Variants in LRRN1 observed in about 807,000 individuals in gnomAD.
The protein encoded by LRRN1 is leucine rich repeat neuronal 1.
LRRN1 carries 14 observed loss-of-function variants against 45.8 expected under a neutral mutation model. The ratio of observed to expected loss-of-function variants is 0.31; its 90% CI spans 0.20 to 0.48. The LOEUF is 0.48. Among genes scored for constraint, LRRN1 ranks in the 20% least tolerant of loss-of-function variants. The pLI, the probability that LRRN1 is intolerant of heterozygous loss-of-function variation, is 0.99. For synonymous variants in LRRN1, 359 were observed against 330.1 expected, an observed-to-expected ratio of 1.09 and a Z score of -0.95; for missense variants, 789 against 874.2, an observed-to-expected ratio of 0.90 and a Z score of 1.23.
rs77195126 is a variant in LRRN1, at chr3:3,815,589, T to G, written c.-279+15670T>G. Among the ~76,000 whole-genome samples, 1,433 of 152,312 alleles carry G rather than the reference T, an allele frequency of 9.4e-3. 58 individuals carry two copies. In the East Asian group the frequency reaches 0.13, roughly 14 times the overall value. ...CTGAAGTGAAAATAAACTAACTACT[T>G]GCTCACATTTTGTGCTAAGTTGCTG... is the stretch of plus-strand genomic sequence containing the variant. On this transcript the variant is annotated intron_variant, in intron 1 of 1. Transcript: ENST00000319331.
Position 3,849,629 on chromosome 3 carries a change from T to G in LRRN1, c.*2837T>G, listed in dbSNP as rs1693855593. On this transcript the variant is annotated 3_prime_UTR_variant, in exon 2 of 2. Transcript: ENST00000319331. ...TGCTGCCTTCAGGGTATATAGTGTA[T>G]CTCTAACCTGATTTTTCAAGGTTAT... is the stretch of plus-strand genomic sequence containing the variant. 6.6e-6 allele frequency among the ~76,000 whole-genome samples: 1 copy of G among 152,188 alleles called. No individual in the cohort carries two copies. Among genetic ancestry groups the G allele is most frequent in the African/African-American group, 2.4e-5 (1 of 41,456 alleles).
In LRRN1 at chr3:3,844,602, C is replaced by T. The variant is rs1324744958; in HGVS notation, c.-40C>T. ...ATATAGTGTTCACGTTTTGTTAAAA[C>T]TTTGGGGTGTCAGGAGTTGAGCTTG... On this transcript the variant is annotated 5_prime_UTR_variant, in exon 2 of 2. Transcript: ENST00000319331. 6 of 1,511,926 alleles carry T rather than the reference C, an allele frequency of 4.0e-6. No homozygotes were observed. Among genetic ancestry groups the T allele is most frequent in the Non-Finnish European group, 5.4e-6 (6 of 1,106,266 alleles). 93.7% of individuals were successfully genotyped at this position (1,511,926 alleles called of 1,614,324 possible).
At chr3:3,815,522 T>A (rs923697098) in intron 1 of LRRN1, among the ~76,000 whole-genome samples, 8 of 152,164 alleles carry the variant, frequency 5.3e-5, no homozygotes, top group Admixed American at 3.3e-4. Context: ...TTTTGGTGAG[T>A]GCCAACATAG....
At chr3:3,804,494 C>A (rs553901014) in intron 1 of LRRN1, among the ~76,000 whole-genome samples, 1 of 152,182 alleles carries the variant, frequency 6.6e-6, no homozygotes, top group African/African-American at 2.4e-5. Context: ...TTTAGAGTAC[C>A]CTCTAAAGAT....
chr3:3,832,867 T>C (rs756498968), intron 1 of LRRN1, among the ~76,000 whole-genome samples: 2 of 152,202 alleles, frequency 1.3e-5, no homozygotes, highest in African/African-American at 4.8e-5. Flanking sequence ...ATTTCACTTC[T>C]AGGAACACCG....
At chr3:3,827,973 G>C (rs1040680470) in intron 1 of LRRN1, among the ~76,000 whole-genome samples, 8 of 151,752 alleles carry the variant, frequency 5.3e-5, no homozygotes, top group African/African-American at 1.7e-4. Flanking sequence ...CCATGCCCAA[G>C]GGCCTTAAAG....
In LRRN1 at chr3:3,845,555, G is replaced by T. The variant is rs1281823086; in HGVS notation, c.914G>T (p.Arg305Leu). ...NNMGELVSVD[R>L]YALDNLPELT... Reference sequence around the variant, plus strand: ...ATGGGCGAGCTCGTTTCTGTCGACCGCTATGCCCTGGATAACTTGCCTGAA... The same window carrying T: ...ATGGGCGAGCTCGTTTCTGTCGACCTCTATGCCCTGGATAACTTGCCTGAA... The change falls in exon 2 of 2, where the codon CGC becomes CTC. Residue 305 changes from arginine to leucine, a missense_variant. Transcript: ENST00000319331. The surrounding 1 kb of genome is among the most constrained non-coding windows in gnomAD (Gnocchi z 6.5). 1.9e-6 allele frequency: 3 copies of T among 1,614,006 alleles called. No individual in the cohort carries two copies. Among genetic ancestry groups the T allele is most frequent in the East Asian group, 2.2e-5 (1 of 44,858 alleles).
chr3:3,825,615 A>C (rs1443244690), intron 1 of LRRN1, among the ~76,000 whole-genome samples: 2 of 152,144 alleles, frequency 1.3e-5, no homozygotes, highest in Non-Finnish European at 2.9e-5. Context: ...GGAAACACTG[A>C]ATTTGGGAGC....
chr3:3,819,936 G>A (rs1192514502), intron 1 of LRRN1, among the ~76,000 whole-genome samples: 1 of 152,176 alleles, frequency 6.6e-6, no homozygotes, highest in Non-Finnish European at 1.5e-5. Context: ...ACAGAGACTA[G>A]AAAAGTATCA....
intron 1 of LRRN1, among the ~76,000 whole-genome samples, chr3:3,825,724 C>T (rs1353118740): frequency 6.6e-6 from 1 of 152,078 alleles, no homozygotes; most frequent in Non-Finnish European, 1.5e-5. Context: ...TAAAGTAGGT[C>T]TTCTGAAAGA....
At chr3:3,830,464 G>A (rs1693342406) in intron 1 of LRRN1, among the ~76,000 whole-genome samples, 2 of 152,218 alleles carry the variant, frequency 1.3e-5, no homozygotes, top group South Asian at 4.1e-4. Flanking sequence ...CTCCACCGCT[G>A]TCCTTTAGGG....
intron 1 of LRRN1, among the ~76,000 whole-genome samples, chr3:3,820,716 G>T (rs1693083691): frequency 6.6e-6 from 1 of 152,200 alleles, no homozygotes; most frequent in Admixed American, 6.5e-5. Context: ...AATGAAGAAA[G>T]GTCTAAATAT....
At chr3:3,809,578 T>C (rs1692835933) in intron 1 of LRRN1, among the ~76,000 whole-genome samples, 1 of 152,236 alleles carries the variant, frequency 6.6e-6, no homozygotes, top group Non-Finnish European at 1.5e-5. Flanking sequence ...CAGAGCAATG[T>C]GTCAGTCATT....
chr3:3,814,224 G>A (rs924510362), intron 1 of LRRN1, among the ~76,000 whole-genome samples: 1 of 147,154 alleles, frequency 6.8e-6, no homozygotes, highest in African/African-American at 2.5e-5. Flanking sequence ...TAGAGCTGGT[G>A]GATTCATCTT....
intron 1 of LRRN1, among the ~76,000 whole-genome samples, chr3:3,821,543 T>G (rs1330924986): frequency 6.6e-6 from 1 of 152,158 alleles, no homozygotes; most frequent in Non-Finnish European, 1.5e-5. Context: ...CTGGTCTTCC[T>G]GGCCCTGTGA....
At chr3:3,802,231 C>A (rs1023426048) in intron 1 of LRRN1, among the ~76,000 whole-genome samples, 7 of 152,236 alleles carry the variant, frequency 4.6e-5, no homozygotes, top group Non-Finnish European at 7.3e-5. Context: ...CGTGACCACA[C>A]TGCACTGTTC....
At chr3:3,800,443 G>A (rs1692622135) in intron 1 of LRRN1, among the ~76,000 whole-genome samples, 1 of 152,192 alleles carries the variant, frequency 6.6e-6, no homozygotes, top group Admixed American at 6.5e-5. Flanking sequence ...GGTGGCCTTG[G>A]TAAGAGAAAG....
chr3:3,830,867 C>G (rs1693356903), intron 1 of LRRN1, among the ~76,000 whole-genome samples: 1 of 152,186 alleles, frequency 6.6e-6, no homozygotes, highest in Admixed American at 6.5e-5. Context: ...TCAGTTTCCA[C>G]CAAAGCCTAG....
intron 1 of LRRN1, among the ~76,000 whole-genome samples, chr3:3,813,252 A>G (rs921803729): frequency 2.0e-5 from 3 of 152,208 alleles, no homozygotes; most frequent in African/African-American, 7.2e-5. Flanking sequence ...TCTAATGACC[A>G]TAACACTTAG....
Sources: gnomAD v4.1 joint callset for allele counts (sites outside exome capture counted in the v4.1 genomes callset) on GRCh38, gnomAD v4.1.1 for gene constraint, Gnocchi (gnomAD v3.1) non-coding constraint, MANE v1.5 for transcripts, NCBI Gene and HGNC (gene_info 2026-07-23, HGNC 2026-07-21) for gene names.